The following RPS6KC1 variants were observed in gnomAD, a reference collection of about 807,000 sequenced individuals.
RPS6KC1 encodes the protein inactive ribosomal protein S6 kinase delta-1.
RPS6KC1 carries 54 observed loss-of-function variants against 103.8 expected under a neutral mutation model. The ratio of observed to expected loss-of-function variants is 0.52; its 90% CI spans 0.42 to 0.65. The LOEUF (loss-of-function observed/expected upper bound fraction) is 0.65, where lower values mean the gene tolerates loss of function less well. RPS6KC1 is among the 30% of genes least tolerant of loss of function. The pLI is 0.00. For synonymous variants in RPS6KC1, 439 were observed against 438.7 expected (o/e 1.00, Z -0.01); for missense variants, 1,151 against 1,253.8 (o/e 0.92, Z 1.24).
chr1:213,386,942 C>A, the RPS6KC1 span, among the ~76,000 whole-genome samples: 1 of 152,208 alleles, frequency 6.6e-6, no homozygotes, highest in Non-Finnish European at 1.5e-5. Flanking sequence ...GGCCTTTAGA[C>A]ACGATGAGAG....
chr1:213,119,123 C>G (rs918850998), intron 5 of RPS6KC1, among the ~76,000 whole-genome samples: 2 of 151,792 alleles, frequency 1.3e-5, no homozygotes, highest in Admixed American at 6.6e-5. Flanking sequence ...CATACTGATT[C>G]TGTGAGAACA....
intron 6 of RPS6KC1, among the ~76,000 whole-genome samples, chr1:213,143,205 T>C (rs2087290381): frequency 1.3e-5 from 2 of 152,066 alleles, no homozygotes; most frequent in African/African-American, 4.8e-5. Flanking sequence ...TATTTCTTCT[T>C]TCGTGAAACT....
the RPS6KC1 span, among the ~76,000 whole-genome samples, chr1:213,677,873 G>A: frequency 1.3e-5 from 2 of 152,098 alleles, no homozygotes; most frequent in Non-Finnish European, 2.9e-5. Context: ...GGGCATGGTG[G>A]TGGGCACCTG....
chr1:213,441,878 T>A, the RPS6KC1 span, among the ~76,000 whole-genome samples: 43 of 152,394 alleles, frequency 2.8e-4, no homozygotes, highest in African/African-American at 9.9e-4. Context: ...GTTAAGTATT[T>A]GAGGTGATGG....
At chr1:213,547,579 AGT>A in the RPS6KC1 span, among the ~76,000 whole-genome samples, 263 of 152,250 alleles carry the variant, frequency 1.7e-3, no homozygotes, top group Middle Eastern at 6.8e-3. Context: ...TTTGATCACT[AGT>A]GTTGGAGGTG....
At chr1:213,561,276 G>A in the RPS6KC1 span, among the ~76,000 whole-genome samples, 1 of 152,118 alleles carries the variant, frequency 6.6e-6, no homozygotes, top group Non-Finnish European at 1.5e-5. Context: ...CAGATATACT[G>A]TAAATCTATT....
At chr1:213,646,620 G>A in the RPS6KC1 span, among the ~76,000 whole-genome samples, 1 of 152,046 alleles carries the variant, frequency 6.6e-6, no homozygotes, top group Admixed American at 6.6e-5. Context: ...AGACAAGAAA[G>A]AAACACTGTG....
the RPS6KC1 span, among the ~76,000 whole-genome samples, chr1:213,374,073 A>G: frequency 2.0e-5 from 3 of 152,256 alleles, no homozygotes; most frequent in African/African-American, 7.2e-5. Context: ...ACATAAAGCC[A>G]GGATCTTGTA....
chr1:213,137,799 ATTTTTTTTTTTTTTTT>A (rs869154560), intron 6 of RPS6KC1, among the ~76,000 whole-genome samples: 7 of 14,000 alleles, frequency 5.0e-4, no homozygotes, highest in Admixed American at 1.2e-3. Context: ...ATATATATAT[ATTTTTTTTTTTTTTTT>A]TTTTTTTTTT....
At chr1:213,337,518 C>CAGG in the RPS6KC1 span, among the ~76,000 whole-genome samples, 1 of 152,170 alleles carries the variant, frequency 6.6e-6, no homozygotes, top group Non-Finnish European at 1.5e-5. Context: ...CTGGAGGACA[C>CAGG]AGGAGGTACG....
At chr1:213,204,562 CT>C (rs1333132412) in intron 8 of RPS6KC1, among the ~76,000 whole-genome samples, 1 of 150,828 alleles carries the variant, frequency 6.6e-6, no homozygotes, top group Non-Finnish European at 1.5e-5. Context: ...TCTGCACGTG[CT>C]GTAAGGAAAA....
At chr1:213,578,618 G>T in the RPS6KC1 span, among the ~76,000 whole-genome samples, 3 of 152,194 alleles carry the variant, frequency 2.0e-5, no homozygotes, top group East Asian at 1.9e-4. Context: ...GATCATTTTG[G>T]AACTTTAAGG....
chr1:213,648,577 T>C, the RPS6KC1 span, among the ~76,000 whole-genome samples: 1 of 152,038 alleles, frequency 6.6e-6, no homozygotes, highest in Non-Finnish European at 1.5e-5. Context: ...CCCTTGGAGC[T>C]CACCACCACC....
chr1:213,380,361 A>G, the RPS6KC1 span, among the ~76,000 whole-genome samples: 1 of 152,196 alleles, frequency 6.6e-6, no homozygotes, highest in African/African-American at 2.4e-5. Context: ...GGATCAGGAA[A>G]AATAACTAAT....
At chr1:213,759,968 A>T in the RPS6KC1 span, among the ~76,000 whole-genome samples, 1 of 152,194 alleles carries the variant, frequency 6.6e-6, no homozygotes, top group Admixed American at 6.5e-5. Flanking sequence ...AAGCAGCTGC[A>T]GGTGCCTCAA....
the RPS6KC1 span, among the ~76,000 whole-genome samples, chr1:213,423,610 C>T: frequency 4.3e-4 from 65 of 152,332 alleles, 1 homozygote; most frequent in Non-Finnish European, 7.2e-4. Context: ...ATCACGCCGA[C>T]CTTCTCTCTC....
chr1:213,713,038 T>C, the RPS6KC1 span, among the ~76,000 whole-genome samples: 1 of 152,162 alleles, frequency 6.6e-6, no homozygotes, highest in Non-Finnish European at 1.5e-5. Context: ...GTTGTTCTTG[T>C]GGTGGGGGTG....
intron 6 of RPS6KC1, among the ~76,000 whole-genome samples, chr1:213,137,777 C>CTCTCTCTCTCTCTCTATA (rs1387641875): frequency 6.3e-5 from 4 of 63,590 alleles, no homozygotes; most frequent in African/African-American, 3.2e-4. Context: ...CTCTCTCTCT[C>CTCTCTCTCTCTCTCTATA]TATATATATA....
chr1:213,702,170 A>T, the RPS6KC1 span, among the ~76,000 whole-genome samples: 3 of 151,680 alleles, frequency 2.0e-5, no homozygotes, highest in Middle Eastern at 6.9e-3. Context: ...TTTTTCATTG[A>T]CCCACTGGTC....
Sources: gnomAD v4.1 joint callset for allele counts (sites outside exome capture counted in the v4.1 genomes callset) on GRCh38, gnomAD v4.1.1 for gene constraint, MANE v1.5 for transcripts, NCBI Gene and HGNC (gene_info 2026-07-23, HGNC 2026-07-21) for gene names.